BIRC6: variants seen among roughly 807,000 people sequenced by gnomAD.
BIRC6 encodes the protein dual E2 ubiquitin-conjugating enzyme/E3 ubiquitin-protein ligase BIRC6.
A neutral mutation model predicts 503.3 loss-of-function variants in BIRC6; 98 were observed. The observed-to-expected ratio is 0.19, with a 90% CI of 0.17 to 0.23. The LOEUF (loss-of-function observed/expected upper bound fraction) is 0.23, where lower values mean the gene tolerates loss of function less well. Among genes scored for constraint, BIRC6 ranks in the 10% least tolerant of loss-of-function variants. The pLI, the probability that BIRC6 is intolerant of heterozygous loss-of-function variation, is 1.00. For missense variants in BIRC6, 5,360 were observed against 5,806.0 expected, an observed-to-expected ratio of 0.92 and a Z score of 2.50; for synonymous variants, 2,240 against 2,078.7, an observed-to-expected ratio of 1.08 and a Z score of -2.11.
intron 32 of BIRC6, among the ~76,000 whole-genome samples, chr2:32,472,790 G>A (rs1286088517): frequency 6.6e-6 from 1 of 152,158 alleles, no homozygotes; most frequent in Non-Finnish European, 1.5e-5. Flanking sequence ...AGTAGTATTT[G>A]TTGTTGAAAT....
In BIRC6 at chr2:32,575,145, TCTC is replaced by T. The variant is rs756335173; in HGVS notation, c.13145-8_13145-6del. The T allele has an allele frequency of 7.5e-5, 121 of 1,613,656 alleles. No individual in the cohort carries two copies. The highest frequency in any genetic ancestry group is 9.1e-5 in the Non-Finnish European group (107 of 1,179,636). Reference sequence around the variant, plus strand: ...TTGCTCATTTTGTGCTTTTTCTTCTTCTCCTTATAGTTCTGGACATGGCAAGAC... The same window carrying T: ...TTGCTCATTTTGTGCTTTTTCTTCTTCTTATAGTTCTGGACATGGCAAGAC... On this transcript the variant is annotated splice_polypyrimidine_tract_variant and splice_region_variant and intron_variant, in intron 65 of 73. Coordinates refer to ENST00000421745, the MANE Select transcript of BIRC6 (RefSeq NM_016252.4).
chr2:32,494,740 A>G lies in BIRC6; in HGVS notation c.8468+1073A>G, dbSNP rs561842480. On this transcript the variant is annotated intron_variant, in intron 45 of 73. Coordinates refer to ENST00000421745, the MANE Select transcript of BIRC6 (RefSeq NM_016252.4). ...CACATGGCGGGACCCCTTCTCTAAA[A>G]AAAAAGAAAAAGAAAAAGAAATTAG... Among the ~76,000 whole-genome samples, 203 of 152,050 alleles carry G rather than the reference A, an allele frequency of 1.3e-3. 1 individual carries two copies. Among genetic ancestry groups the G allele is most frequent in the Non-Finnish European group, 1.5e-3 (101 of 67,950 alleles).
intron 60 of BIRC6, among the ~76,000 whole-genome samples, chr2:32,530,488 G>T (rs1041178859): frequency 6.6e-6 from 1 of 152,136 alleles, no homozygotes; most frequent in African/African-American, 2.4e-5. Context: ...TGGGATATAG[G>T]CATGAGCCAC....
At position 32,476,260 on chromosome 2, in the gene BIRC6, G is replaced by T; in HGVS notation, c.6768G>T (p.Met2256Ile). The change falls in exon 34 of 74, where the codon ATG becomes ATT. Residue 2256 changes from methionine (M) to isoleucine (I), a missense_variant. By Grantham distance (10) the Met-to-Ile change is conservative. Around this residue, in one of 16 missense-constraint regions of BIRC6, gnomAD observed 2,299 missense variants for 2,267.2 expected, o/e 1.01. Coordinates refer to ENST00000421745, the MANE Select transcript of BIRC6 (RefSeq NM_016252.4). ...KAKQKALVEQ[M>I]EKEKIQSNKG... ...AGCAGAAGGCATTGGTAGAACAGAT[G>T]GAAAAAGAAAAAATACAAAGTAACA... The T allele has an allele frequency of 6.4e-7, 1 of 1,553,988 alleles. No homozygotes were observed. The highest frequency in any genetic ancestry group is 1.2e-5 in the South Asian group (1 of 84,134).
At position 32,491,644 on chromosome 2, in the gene BIRC6, A is replaced by T. The variant is rs1572592006; in HGVS notation, c.8340+86A>T. On this transcript the variant is annotated intron_variant, in intron 44 of 73. Coordinates refer to ENST00000421745, the MANE Select transcript of BIRC6 (RefSeq NM_016252.4). ...AAAGCTATGTAACTTTTTTATTGCT[A>T]AAGTATTAAATAATAGCCTTTTATG... 11 of 1,373,528 alleles carry T rather than the reference A, an allele frequency of 8.0e-6. No individual in the cohort carries two copies. The East Asian group carries it at 2.6e-4, about 32-fold the overall frequency. The allele number at this position is 1,373,528 out of a possible 1,614,324, so 85.1% of individuals were successfully genotyped here. A position where few individuals can be genotyped will look rare whatever the true frequency, so the allele number is the denominator to read the frequency against.
At position 32,499,628 on chromosome 2, in the gene BIRC6, C is replaced by T. The variant is rs373827659; in HGVS notation, c.8550C>T (p.Val2850=). Residue 2850 remains valine (V), a synonymous_variant, in exon 46 of 74, where the codon GTC becomes GTT. Coordinates refer to ENST00000421745, the MANE Select transcript of BIRC6 (RefSeq NM_016252.4). ...LEFTLEQNFE[V]VSVSTISAVI... ...TCACTCTGGAGCAGAATTTTGAAGT[C>T]GTTTCAGTTAGTACTATTTCTGCCG... 6.1e-5 allele frequency: 98 copies of T among 1,613,718 alleles called. No homozygotes were observed. Among genetic ancestry groups the T allele is most frequent in the East Asian group, 2.2e-4 (10 of 44,898 alleles).
chr2:32,549,542 G>C, intron 65 of BIRC6, 61 bp downstream of exon 65: 3 of 1,233,320 alleles, frequency 2.4e-6, no homozygotes, highest in South Asian at 6.0e-5. Flanking sequence ...TTTTATCATT[G>C]TCTAATAGTA....
chr2:32,580,037 T>C (rs2060563036), intron 66 of BIRC6, among the ~76,000 whole-genome samples: 2 of 147,164 alleles, frequency 1.4e-5, no homozygotes, highest in Non-Finnish European at 3.0e-5. Context: ...CACTGCAACC[T>C]CCGTCTCCTG....
intron 45 of BIRC6, among the ~76,000 whole-genome samples, chr2:32,498,017 CA>C (rs1012386252): frequency 7.9e-5 from 12 of 152,130 alleles, no homozygotes; most frequent in Admixed American, 7.9e-4. Context: ...TTGAATTAAG[CA>C]ACTTTTAAAA....
At chr2:32,403,697 T>G (rs1429785744) in intron 8 of BIRC6, among the ~76,000 whole-genome samples, 1 of 152,190 alleles carries the variant, frequency 6.6e-6, no homozygotes, top group Admixed American at 6.5e-5. Flanking sequence ...CTAAACATTT[T>G]TACTTTAACC....
chr2:32,597,712 T>G, intron 68 of BIRC6, 39 bp from the exon 69 acceptor site: 1 of 1,462,682 alleles, frequency 6.8e-7, no homozygotes, highest in Non-Finnish European at 9.5e-7. Context: ...TATAACAATT[T>G]TTTGCAGTTC....
chr2:32,571,378 C>CTTTTTTTTTTTTT (rs61599835), intron 65 of BIRC6, among the ~76,000 whole-genome samples: 2 of 20,310 alleles, frequency 9.8e-5, no homozygotes, highest in Non-Finnish European at 8.3e-5. Context: ...TGGTCCTGGG[C>CTTTTTTTTTTTTT]TTTTTTTTTT....
chr2:32,585,641 A>G (rs948957253), intron 66 of BIRC6, among the ~76,000 whole-genome samples: 3 of 152,148 alleles, frequency 2.0e-5, no homozygotes, highest in Non-Finnish European at 4.4e-5. Flanking sequence ...TGGCCTCCCA[A>G]AGTGCTGGGA....
At chr2:32,429,822 A>G (rs964413916) in intron 11 of BIRC6, among the ~76,000 whole-genome samples, 9 of 152,200 alleles carry the variant, frequency 5.9e-5, no homozygotes, top group African/African-American at 2.2e-4. Flanking sequence ...AAATCATAGT[A>G]GCCTGCTTCT....
chr2:32,586,582 C>T (rs12477084), intron 66 of BIRC6, among the ~76,000 whole-genome samples: 3 of 151,580 alleles, frequency 2.0e-5, no homozygotes, highest in South Asian at 2.1e-4. Context: ...CCACTCCCGG[C>T]GAATTTTTGT....
chr2:32,460,270 ATATTTTTTTTT>A (rs1488458910), intron 23 of BIRC6, among the ~76,000 whole-genome samples: 4 of 24,202 alleles, frequency 1.7e-4, no homozygotes, highest in African/African-American at 6.1e-4. Flanking sequence ...ATATATATAT[ATATTTTTTTTT>A]TTTTTTTTTT....
intron 65 of BIRC6, among the ~76,000 whole-genome samples, chr2:32,552,185 C>T (rs994813904): frequency 2.6e-5 from 4 of 152,060 alleles, no homozygotes; most frequent in East Asian, 1.9e-4. Context: ...TGTCCCACAC[C>T]CTTTTTGCCC....
intron 45 of BIRC6, among the ~76,000 whole-genome samples, chr2:32,496,195 TATCA>T (rs899475174): frequency 3.0e-4 from 46 of 152,086 alleles, no homozygotes; most frequent in African/African-American, 1.1e-3. Context: ...GTTTTTCAAA[TATCA>T]ATCAATGATA....
intron 45 of BIRC6, among the ~76,000 whole-genome samples, chr2:32,498,591 CTTTG>C (rs1449913942): frequency 1.3e-5 from 2 of 151,542 alleles, no homozygotes; most frequent in South Asian, 2.1e-4. Context: ...TTTAGACAGT[CTTTG>C]TTTGTTTTTT....
Sources: allele counts gnomAD v4.1 joint callset (sites outside exome capture counted in the v4.1 genomes callset), GRCh38; gene constraint gnomAD v4.1.1; regional missense constraint gnomAD v4.1.1; transcripts MANE v1.5; gene names NCBI Gene and HGNC (gene_info 2026-07-23, HGNC 2026-07-21).